Variants in EYS observed in about 807,000 individuals in gnomAD.
The protein encoded by EYS is protein eyes shut homolog.
In EYS, 250 loss-of-function variants were observed where a neutral mutation model predicts 282.1. The observed-to-expected ratio is 0.89, with a 90% CI of 0.80 to 0.98. EYS has a LOEUF of 0.98. Ranked by LOEUF, EYS falls within the 50% of genes least tolerant of loss-of-function variation. The pLI is 0.00. For synonymous variants in EYS, 1,355 were observed against 1,282.9 expected (o/e 1.06, Z -1.20); for missense variants, 4,016 against 3,709.0 (o/e 1.08, Z -2.15).
chr6:65,102,212 T>C (rs1004264670), intron 12 of EYS, among the ~76,000 whole-genome samples: 5 of 151,392 alleles, frequency 3.3e-5, no homozygotes, highest in African/African-American at 1.2e-4. Flanking sequence ...ATTTCTATTC[T>C]ATACCTTTAA....
intron 12 of EYS, among the ~76,000 whole-genome samples, chr6:65,150,947 T>C (rs1407099561): frequency 1.3e-5 from 2 of 152,064 alleles, no homozygotes; most frequent in Admixed American, 1.3e-4. Context: ...ATAAATCATA[T>C]GATCAGGGCT....
At chr6:64,415,707 C>T (rs369865433) in intron 28 of EYS, among the ~76,000 whole-genome samples, 16 of 152,206 alleles carry the variant, frequency 1.1e-4, no homozygotes, top group African/African-American at 2.9e-4. Context: ...TGAAAGTATG[C>T]TTACTCAATA....
At chr6:64,625,951 C>G (rs1767595076) in intron 23 of EYS, among the ~76,000 whole-genome samples, 170 bp downstream of exon 23, 2 of 152,134 alleles carry the variant, frequency 1.3e-5, no homozygotes, top group Admixed American at 6.5e-5. Flanking sequence ...ATACAACATT[C>G]ATTTCATGTT....
At chr6:64,700,706 G>C (rs1770754953) in intron 22 of EYS, among the ~76,000 whole-genome samples, 1 of 151,844 alleles carries the variant, frequency 6.6e-6, no homozygotes. Flanking sequence ...ACATTACACT[G>C]ATGAAACAAA....
chr6:63,926,135 T>C (rs1289611712), intron 35 of EYS, among the ~76,000 whole-genome samples: 1 of 152,162 alleles, frequency 6.6e-6, no homozygotes, highest in Non-Finnish European at 1.5e-5. Flanking sequence ...TTGTCAATAG[T>C]TAGATAATCT....
chr6:64,993,756 A>G (rs1435934879), intron 14 of EYS, among the ~76,000 whole-genome samples: 1 of 151,528 alleles, frequency 6.6e-6, no homozygotes, highest in Non-Finnish European at 1.5e-5. Flanking sequence ...TGAAAAAAAA[A>G]TTGACATGGA....
chr6:64,828,465 A>G (rs1283011681), intron 19 of EYS, among the ~76,000 whole-genome samples: 1 of 151,984 alleles, frequency 6.6e-6, no homozygotes, highest in African/African-American at 2.4e-5. Flanking sequence ...TTAAAGATAT[A>G]TGTAGTGGAA....
chr6:64,654,942 C>T (rs1433699013), intron 22 of EYS, among the ~76,000 whole-genome samples: 2 of 152,174 alleles, frequency 1.3e-5, no homozygotes, highest in African/African-American at 2.4e-5. Context: ...GATGTCTTGA[C>T]ATTTGAGCAG....
At chr6:65,411,466 A>G (rs1767008427) in intron 5 of EYS, among the ~76,000 whole-genome samples, 1 of 152,106 alleles carries the variant, frequency 6.6e-6, no homozygotes, top group Non-Finnish European at 1.5e-5. Context: ...TGTAACTATA[A>G]CACTATATCA....
chr6:64,908,884 A>G (rs938340628), intron 16 of EYS, among the ~76,000 whole-genome samples: 2 of 152,198 alleles, frequency 1.3e-5, no homozygotes, highest in South Asian at 4.2e-4. Context: ...AAGGGTGGGG[A>G]TCAATCAGAG....
intron 12 of EYS, among the ~76,000 whole-genome samples, chr6:65,278,569 T>A (rs144160739): frequency 1.3e-5 from 2 of 151,860 alleles, no homozygotes; most frequent in African/African-American, 4.8e-5. Context: ...TCAAGGTTAT[T>A]CAGTGTGGCA....
chr6:65,653,626 T>C lies in EYS; in HGVS notation c.-447-13734A>G, dbSNP rs1347724552. 2.6e-5 allele frequency among the ~76,000 whole-genome samples: 4 copies of C among 151,958 alleles called. No individual in the cohort carries two copies. The East Asian group carries it at 7.7e-4, about 29-fold the overall frequency. On this transcript the variant is annotated intron_variant, in intron 1 of 42. Coordinates refer to ENST00000503581, the MANE Select transcript of EYS (RefSeq NM_001142800.2). ...CTGACTCATGTAAGTCTTCTAGATT[T>C]ACAGCAACACCATGTTGAACTGCAC...
At chr6:63,763,958 C>A (rs1273204532) in intron 40 of EYS, among the ~76,000 whole-genome samples, 1 of 146,994 alleles carries the variant, frequency 6.8e-6, no homozygotes, top group Non-Finnish European at 1.5e-5. Flanking sequence ...CTCCGGCCTC[C>A]CTCCCTCCCT....
intron 7 of EYS, among the ~76,000 whole-genome samples, chr6:65,398,613 C>T (rs926450042): frequency 6.6e-6 from 1 of 151,914 alleles, no homozygotes; most frequent in Non-Finnish European, 1.5e-5. Context: ...CAAAAATAGA[C>T]AAAAATTGAA....
chr6:65,007,671 C>T (rs905310667), intron 13 of EYS, among the ~76,000 whole-genome samples: 10 of 152,100 alleles, frequency 6.6e-5, no homozygotes, highest in African/African-American at 2.4e-4. Context: ...CCCTTCAACC[C>T]AAACGGTCCA....
intron 30 of EYS, among the ~76,000 whole-genome samples, chr6:64,236,933 C>G (rs1766627050): frequency 6.6e-6 from 1 of 151,812 alleles, no homozygotes; most frequent in African/African-American, 2.4e-5. Context: ...ATTCTTTTTT[C>G]TTTGTATCTT....
At chr6:65,468,517 A>T (rs1205718596) in intron 5 of EYS, among the ~76,000 whole-genome samples, 3 of 152,070 alleles carry the variant, frequency 2.0e-5, no homozygotes, top group Non-Finnish European at 2.9e-5. Flanking sequence ...TTAGTTAGTT[A>T]GTTATTTAGT....
intron 36 of EYS, among the ~76,000 whole-genome samples, chr6:63,846,822 A>G (rs1190056465): frequency 6.6e-6 from 1 of 152,148 alleles, no homozygotes; most frequent in African/African-American, 2.4e-5. Context: ...ATAGACCTAC[A>G]TTTGTCTGTC....
chr6:65,541,564 T>C (rs1768168143), intron 2 of EYS, among the ~76,000 whole-genome samples: 1 of 152,176 alleles, frequency 6.6e-6, no homozygotes, highest in African/African-American at 2.4e-5. Flanking sequence ...ACTTAATTGC[T>C]AATTTAATTT....
Sources: gnomAD v4.1 joint callset for allele counts (sites outside exome capture counted in the v4.1 genomes callset) on GRCh38, gnomAD v4.1.1 for gene constraint, MANE v1.5 for transcripts, NCBI Gene and HGNC (gene_info 2026-07-23, HGNC 2026-07-21) for gene names.